Variants in SETBP1 observed in about 807,000 individuals in gnomAD.
The protein encoded by SETBP1 is SET-binding protein.
In SETBP1, 9 loss-of-function variants were observed where a neutral mutation model predicts 101.0. That is an observed-to-expected ratio of 0.09 (90% CI 0.05 to 0.16). The LOEUF is 0.16. Among genes scored for constraint, SETBP1 ranks in the 10% least tolerant of loss-of-function variants. The pLI is 1.00. For missense variants in SETBP1, 1,858 were observed against 2,033.8 expected, an observed-to-expected ratio of 0.91 and a Z score of 1.66; for synonymous variants, 818 against 788.5, an observed-to-expected ratio of 1.04 and a Z score of -0.63.
In SETBP1 at chr18:44,833,650, C is replaced by T. The variant is rs146054811; in HGVS notation, c.487-35580C>T. ...CTAGAAGTGTGCCCAGTGGTTCCTG[C>T]CCACAAGGCAGACATGCAAAGGTGG... On this transcript the variant is annotated intron_variant, in intron 2 of 5. Coordinates refer to ENST00000649279, the MANE Select transcript of SETBP1 (RefSeq NM_015559.3). Among the ~76,000 whole-genome samples the T allele has an allele frequency of 9.2e-5, 14 of 152,336 alleles. No individual in the cohort carries two copies. The East Asian group carries it at 2.3e-3, about 25-fold the overall frequency.
chr18:44,773,774 A>G (rs1277249133), intron 2 of SETBP1, among the ~76,000 whole-genome samples: 31 of 150,402 alleles, frequency 2.1e-4, no homozygotes, highest in Admixed American at 1.9e-3. Flanking sequence ...CTTAGGTTCC[A>G]AGTATTAATC....
chr18:44,748,821 G>A (rs573383870), intron 2 of SETBP1, among the ~76,000 whole-genome samples: 1 of 152,320 alleles, frequency 6.6e-6, no homozygotes, highest in East Asian at 1.9e-4. Context: ...AATGCAGGAT[G>A]GATCATGCAA....
At chr18:44,885,852 A>C (rs1352886265) in intron 3 of SETBP1, among the ~76,000 whole-genome samples, 5 of 42,784 alleles carry the variant, frequency 1.2e-4, no homozygotes, top group Non-Finnish European at 2.0e-4. Context: ...TAAAAAAAAA[A>C]AAAACAAAAA....
At chr18:44,715,092 G>GT (rs892133909) in intron 2 of SETBP1, among the ~76,000 whole-genome samples, 1 of 152,216 alleles carries the variant, frequency 6.6e-6, no homozygotes, top group African/African-American at 2.4e-5. Context: ...GTTTCCAGCA[G>GT]TGGAAGCTAT....
chr18:44,803,345 G>T (rs1202965252), intron 2 of SETBP1, among the ~76,000 whole-genome samples: 1 of 152,104 alleles, frequency 6.6e-6, no homozygotes, highest in Non-Finnish European at 1.5e-5. Context: ...GTTTCTTCAG[G>T]ACTCTGCAGC....
intron 3 of SETBP1, among the ~76,000 whole-genome samples, chr18:44,885,992 A>C (rs669738): frequency 0.44 from 66,313 of 151,864 alleles, 14,671 homozygotes; most frequent in African/African-American, 0.47. Flanking sequence ...GGAGTGCCAC[A>C]AACTATGCTT....
At chr18:44,863,172 T>G (rs2069052115) in intron 2 of SETBP1, among the ~76,000 whole-genome samples, 1 of 152,204 alleles carries the variant, frequency 6.6e-6, no homozygotes, top group Non-Finnish European at 1.5e-5. Context: ...TTTCAGAGCC[T>G]TTTGCTTGGT....
intron 4 of SETBP1, among the ~76,000 whole-genome samples, chr18:44,959,056 G>A (rs2071555651): frequency 6.6e-6 from 1 of 152,182 alleles, no homozygotes; most frequent in Admixed American, 6.5e-5. Flanking sequence ...GAGCAATTCT[G>A]CCTTTGGAGT....
At chr18:44,797,210 G>C (rs902595480) in intron 2 of SETBP1, among the ~76,000 whole-genome samples, 3 of 152,098 alleles carry the variant, frequency 2.0e-5, no homozygotes, top group African/African-American at 7.2e-5. Context: ...AAGTGTTGAC[G>C]TATTGGTTTC....
chr18:45,063,000 TGCTA>T, intron 5 of SETBP1, 75 bp from the exon 6 acceptor site: 1 of 1,593,922 alleles, frequency 6.3e-7, no homozygotes, highest in South Asian at 1.1e-5. Context: ...CCAAGTAGAA[TGCTA>T]GCTGTCAGTG....
At chr18:44,955,612 G>T (rs2071465255) in intron 4 of SETBP1, among the ~76,000 whole-genome samples, 1 of 152,174 alleles carries the variant, frequency 6.6e-6, no homozygotes, top group Non-Finnish European at 1.5e-5. Flanking sequence ...GGATACTGAG[G>T]CTCAAAGAGA....
chr18:44,768,260 A>G (rs1231963878), intron 2 of SETBP1, among the ~76,000 whole-genome samples: 1 of 152,212 alleles, frequency 6.6e-6, no homozygotes, highest in Non-Finnish European at 1.5e-5. Context: ...CTCTAACCAT[A>G]CAAGCTCTGC....
At chr18:44,855,661 A>G (rs1333433438) in intron 2 of SETBP1, among the ~76,000 whole-genome samples, 1 of 152,216 alleles carries the variant, frequency 6.6e-6, no homozygotes, top group Admixed American at 6.5e-5. Flanking sequence ...GAGTATTTAC[A>G]CTATGGAAAT....
intron 3 of SETBP1, among the ~76,000 whole-genome samples, chr18:44,906,559 A>C: frequency 6.6e-6 from 1 of 152,234 alleles, no homozygotes; most frequent in East Asian, 1.9e-4. Context: ...ATATTCAGTA[A>C]TAGGAACTGT....
At chr18:44,894,807 G>T (rs1485572533) in intron 3 of SETBP1, among the ~76,000 whole-genome samples, 2 of 151,748 alleles carry the variant, frequency 1.3e-5, no homozygotes, top group African/African-American at 4.8e-5. Flanking sequence ...ATTGTAAACA[G>T]AAGACAATTT....
At chr18:44,906,658 A>G (rs867353507) in intron 3 of SETBP1, among the ~76,000 whole-genome samples, 1 of 152,196 alleles carries the variant, frequency 6.6e-6, no homozygotes, top group Non-Finnish European at 1.5e-5. Context: ...AAGGTATATT[A>G]AATGACTTAA....
At chr18:44,877,745 C>T (rs1420717467) in intron 3 of SETBP1, among the ~76,000 whole-genome samples, 3 of 152,102 alleles carry the variant, frequency 2.0e-5, no homozygotes. Flanking sequence ...GAACTGCTTA[C>T]CTTGACTGTG....
intron 3 of SETBP1, among the ~76,000 whole-genome samples, chr18:44,885,215 T>A (rs573546519): frequency 4.6e-5 from 7 of 152,318 alleles, no homozygotes; most frequent in South Asian, 4.1e-4. Context: ...ATCTGTGAAA[T>A]GGCCTTGATC....
At chr18:44,717,917 T>A (rs947970439) in intron 2 of SETBP1, among the ~76,000 whole-genome samples, 3 of 150,958 alleles carry the variant, frequency 2.0e-5, no homozygotes, top group Non-Finnish European at 4.4e-5. Context: ...TATGCATCTG[T>A]GTGTGTGTGT....
Sources: allele counts gnomAD v4.1 joint callset (sites outside exome capture counted in the v4.1 genomes callset), GRCh38; gene constraint gnomAD v4.1.1; transcripts MANE v1.5; gene names NCBI Gene and HGNC (gene_info 2026-07-23, HGNC 2026-07-21).